Variants in ZFYVE27 observed in about 807,000 individuals in gnomAD.
ZFYVE27 encodes the protein protrudin.
In ZFYVE27, 36 loss-of-function variants were observed where a neutral mutation model predicts 52.8. That is an observed-to-expected ratio of 0.68 (90% CI 0.52 to 0.90). The LOEUF (loss-of-function observed/expected upper bound fraction) is 0.90. Among genes scored for constraint, ZFYVE27 ranks in the 40% least tolerant of loss-of-function variants. The pLI is 0.00. For missense variants in ZFYVE27, 450 were observed against 527.2 expected, an observed-to-expected ratio of 0.85 and a Z score of 1.43; for synonymous variants, 223 against 215.6, an observed-to-expected ratio of 1.03 and a Z score of -0.30.
At chr10:97,739,734 A>G (rs1277325679) in intron 2 of ZFYVE27, among the ~76,000 whole-genome samples, 3 of 152,114 alleles carry the variant, frequency 2.0e-5, no homozygotes, top group Admixed American at 6.6e-5. Flanking sequence ...TCAGTCTAAG[A>G]CAATCTCTCT....
intron 10 of ZFYVE27, among the ~76,000 whole-genome samples, chr10:97,753,588 T>G (rs2047559235): frequency 6.6e-6 from 1 of 152,030 alleles, no homozygotes; most frequent in Non-Finnish European, 1.5e-5. Context: ...AGCAAATTAT[T>G]TCACACCCCG....
At position 97,759,199 on chromosome 10, in the gene ZFYVE27, C is replaced by T. The variant is rs1426881598; in HGVS notation, c.1172-37C>T. ...AGTTGGGGCCATGAACCAAAGGGCGCAAGGAAATGTCTCACCAAGTTCTTC... is the reference window on the plus strand; with the variant it reads ...AGTTGGGGCCATGAACCAAAGGGCGTAAGGAAATGTCTCACCAAGTTCTTC... On this transcript the variant is annotated intron_variant, in intron 12 of 12. Transcript: ENST00000684270. The T allele has an allele frequency of 1.9e-6, 3 of 1,612,884 alleles. No individual in the cohort carries two copies. The Admixed American group carries it at 5.0e-5, about 27-fold the overall frequency.
chr10:97,738,776 T>G, intron 2 of ZFYVE27, 102 bp downstream of exon 2: 4 of 1,375,808 alleles, frequency 2.9e-6, no homozygotes, highest in South Asian at 1.2e-5. Flanking sequence ...CTGTCCTTTC[T>G]GCCCTAGTGA....
chr10:97,752,882 GT>G lies in ZFYVE27; in HGVS notation c.897+6del. On this transcript the variant is annotated splice_donor_region_variant and intron_variant, in intron 9 of 12. Coordinates refer to ENST00000684270, the MANE Select transcript of ZFYVE27 (RefSeq NM_001385875.1). The stretch of plus-strand genomic sequence containing the variant: ...GAGACCCACTTGGTGGTGCTGGTAA[GT>G]GGAAGCCTTGGTGGGTGGGCAGGGG... The G allele has an allele frequency of 1.2e-6, 2 of 1,613,868 alleles. No individual in the cohort carries two copies. The highest frequency in any genetic ancestry group is 1.7e-6 in the Non-Finnish European group (2 of 1,179,914).
intron 2 of ZFYVE27, among the ~76,000 whole-genome samples, chr10:97,740,718 G>A (rs1442992110): frequency 6.6e-6 from 1 of 152,194 alleles, no homozygotes; most frequent in African/African-American, 2.4e-5. Context: ...AGGGAGCACT[G>A]GTCCATGAAA....
At position 97,759,948 on chromosome 10, in the gene ZFYVE27, G is replaced by A. The variant is rs1340219305; in HGVS notation, c.*648G>A. 1 of 156,300 alleles carries A rather than the reference G, an allele frequency of 6.4e-6. No individual in the cohort carries two copies. The highest frequency in any genetic ancestry group is 1.4e-5 in the Non-Finnish European group (1 of 70,216). 9.7% of individuals were successfully genotyped at this position (156,300 alleles called of 1,614,324 possible). ...GGAGGGTTTGGCTGAGTCCTTCAGC[G>A]TTAAGTGGAGGAAAGCTTGGGGAAG... On this transcript the variant is annotated 3_prime_UTR_variant, in exon 13 of 13. Coordinates refer to ENST00000684270, the MANE Select transcript of ZFYVE27 (RefSeq NM_001385875.1).
chr10:97,751,236 A>G, intron 7 of ZFYVE27, 155 bp from the exon 8 acceptor site: 2 of 774,054 alleles, frequency 2.6e-6, no homozygotes, highest in Non-Finnish European at 4.5e-6. Flanking sequence ...CTGCCAGGCT[A>G]GAGGTTGCTC....
In ZFYVE27 at chr10:97,760,201, G is replaced by C. The variant is rs921828986; in HGVS notation, c.*901G>C. 6.6e-6 allele frequency: 1 copy of C among 152,448 alleles called. No homozygotes were observed. The highest frequency in any genetic ancestry group is 1.9e-4 in the East Asian group (1 of 5,196). The allele number at this position is 152,448 out of a possible 1,614,324, so 9.4% of individuals were successfully genotyped here. A position where few individuals can be genotyped will look rare whatever the true frequency, so the allele number is the denominator to read the frequency against. ...AATGGAGTGGGAGGCCAGGTGAGTG[G>C]AGCAGAGGTCCTGAAGCCCTTGACC... On this transcript the variant is annotated 3_prime_UTR_variant, in exon 13 of 13. Transcript: ENST00000684270.
Position 97,738,610 on chromosome 10 carries a change from A to G in ZFYVE27, c.133A>G (p.Lys45Glu). ...CCTTTTCAACTTGGTTCTCTCCTAC[A>G]AGAGGCTGGAGATCTACCTGGAACC... The part of the protein sequence containing the change: ...FDLFNLVLSY[K>E]RLEIYLEPLK... The change falls in exon 2 of 13, where the codon AAG (lysine) becomes GAG (glutamate). Residue 45 changes from lysine to glutamate, a missense_variant. Lys to Glu is a moderately conservative substitution (Grantham distance 56). Coordinates refer to ENST00000684270, the MANE Select transcript of ZFYVE27 (RefSeq NM_001385875.1). 6.2e-7 allele frequency: 1 copy of G among 1,614,002 alleles called. No individual in the cohort carries two copies. The highest frequency in any genetic ancestry group is 8.5e-7 in the Non-Finnish European group (1 of 1,179,982).
chr10:97,757,360 G>C (rs1167256423), intron 11 of ZFYVE27, 49 bp downstream of exon 11: 12 of 1,613,340 alleles, frequency 7.4e-6, no homozygotes, highest in South Asian at 1.1e-5. Flanking sequence ...CCTTGGGACT[G>C]TCGGGTGGGG....
intron 12 of ZFYVE27, 40 bp downstream of exon 12, chr10:97,757,763 C>T (rs199947246): frequency 1.1e-4 from 181 of 1,601,668 alleles, no homozygotes; most frequent in East Asian, 6.0e-4. Context: ...GTTGGTATCC[C>T]GCCCAGGGGA....
chr10:97,744,973 A>G (rs2044775635), intron 4 of ZFYVE27, 58 bp downstream of exon 4: 2 of 1,528,814 alleles, frequency 1.3e-6, no homozygotes, highest in African/African-American at 2.7e-5. Flanking sequence ...CCATGACACT[A>G]AGTGCTAGCT....
chr10:97,743,283 CTG>C (rs1323528679), intron 3 of ZFYVE27, 119 bp downstream of exon 3: 3 of 1,200,546 alleles, frequency 2.5e-6, no homozygotes, highest in Non-Finnish European at 3.7e-6. Context: ...TAGTGTTCCT[CTG>C]TGTCTGCTTG....
At chr10:97,749,242 T>C (rs2136170657) in intron 5 of ZFYVE27, among the ~76,000 whole-genome samples, 1 of 152,328 alleles carries the variant, frequency 6.6e-6, no homozygotes, top group East Asian at 1.9e-4. Flanking sequence ...CCAGTTTATG[T>C]GCCACCAGCT....
chr10:97,754,604 C>T (rs754844223), intron 10 of ZFYVE27: 15 of 1,258,452 alleles, frequency 1.2e-5, no homozygotes, highest in Non-Finnish European at 1.4e-5. Flanking sequence ...TGTGAGCCAC[C>T]ACGCCCGGCC....
At chr10:97,754,093 G>A (rs1006132747) in intron 10 of ZFYVE27, among the ~76,000 whole-genome samples, 5 of 152,150 alleles carry the variant, frequency 3.3e-5, no homozygotes, top group Non-Finnish European at 5.9e-5. Flanking sequence ...ATGGGAGCAG[G>A]GTAAGGGGGC....
chr10:97,744,839 T>C lies in ZFYVE27; in HGVS notation c.379T>C (p.Tyr127His), dbSNP rs1434884539. 6.2e-7 allele frequency: 1 copy of C among 1,613,556 alleles called. No homozygotes were observed. The highest frequency in any genetic ancestry group is 8.5e-7 in the Non-Finnish European group (1 of 1,179,866). The change falls in exon 4 of 13, where the codon TAT becomes CAT. Residue 127 changes from tyrosine (Y) to histidine (H), a missense_variant. Transcript: ENST00000684270. ...TGATTCCGAGCTGATGCGGAGGAAGTATCATAGCGTGAGGCAGGAGGACCT... is the reference window on the plus strand; with the variant it reads ...TGATTCCGAGCTGATGCGGAGGAAGCATCATAGCGTGAGGCAGGAGGACCT... ...LPDSELMRRK[Y>H]HSVRQEDLQR...
rs765035112 is a variant in ZFYVE27 at position 97,750,447 on chromosome 10, A to G, written c.781A>G (p.Thr261Ala). The G allele has an allele frequency of 1.9e-6, 3 of 1,614,136 alleles. No individual in the cohort carries two copies. The change falls in exon 7 of 13, where the codon ACG becomes GCG. Residue 261 changes from threonine (T) to alanine (A), a missense_variant. Thr to Ala is a moderately conservative substitution (Grantham distance 58). Coordinates refer to ENST00000684270, the MANE Select transcript of ZFYVE27 (RefSeq NM_001385875.1). ...VGGKDGLMDSTPALTPTEDLT... is the reference protein window; with the variant it reads ...VGGKDGLMDSAPALTPTEDLT... ...GGGGAAGGATGGTCTGATGGACAGC[A>G]CGCCTGCCCTCACACCCACGGAGGT...
intron 2 of ZFYVE27, among the ~76,000 whole-genome samples, chr10:97,742,147 A>C (rs1398296585): frequency 5.9e-5 from 9 of 152,116 alleles, no homozygotes; most frequent in Admixed American, 5.9e-4. Flanking sequence ...AAAAAAAAAA[A>C]AAAAGAAAAT....
Sources: allele counts gnomAD v4.1 joint callset (sites outside exome capture counted in the v4.1 genomes callset), GRCh38; gene constraint gnomAD v4.1.1; transcripts MANE v1.5; gene names NCBI Gene and HGNC (gene_info 2026-07-23, HGNC 2026-07-21).